The following GHR variants were observed in gnomAD, a reference collection of about 807,000 sequenced individuals.
GHR encodes growth hormone receptor, also known as GH receptor.
A neutral mutation model predicts 67.1 loss-of-function variants in GHR; 35 were observed. That is an observed-to-expected ratio of 0.52 (90% CI 0.40 to 0.69). The LOEUF is 0.69. Among genes scored for constraint, GHR ranks in the 30% least tolerant of loss-of-function variants. The pLI, the probability that GHR is intolerant of heterozygous loss-of-function variation, is 0.00. For synonymous variants in GHR, 272 were observed against 269.1 expected, an observed-to-expected ratio of 1.01 and a Z score of -0.10; for missense variants, 792 against 764.6, an observed-to-expected ratio of 1.04 and a Z score of -0.42.
chr5:42,627,208 T>C (rs35092809), intron 2 of GHR, among the ~76,000 whole-genome samples: 2,162 of 152,336 alleles, frequency 0.014, 18 homozygotes, highest in Middle Eastern at 0.027. Context: ...CTTTTTTTAC[T>C]GAACTTTTTT....
chr5:42,660,550 C>G (rs1755535376), intron 3 of GHR, among the ~76,000 whole-genome samples: 2 of 152,196 alleles, frequency 1.3e-5, no homozygotes, highest in African/African-American at 4.8e-5. Context: ...AGCTGAGGGT[C>G]CTGTCTGTTA....
chr5:42,699,430 G>A (rs1345659997), intron 5 of GHR, among the ~76,000 whole-genome samples: 1 of 152,222 alleles, frequency 6.6e-6, no homozygotes, highest in East Asian at 1.9e-4. Flanking sequence ...TAGTTCCGAA[G>A]CAGCCCCATG....
intron 3 of GHR, among the ~76,000 whole-genome samples, chr5:42,662,682 C>A (rs1755713415): frequency 6.6e-6 from 1 of 152,062 alleles, no homozygotes; most frequent in Non-Finnish European, 1.5e-5. Context: ...ACCCTAACAT[C>A]ACAATTAAAA....
chr5:42,632,836 T>G (rs1024760821), intron 3 of GHR, among the ~76,000 whole-genome samples: 2 of 152,214 alleles, frequency 1.3e-5, no homozygotes, highest in Non-Finnish European at 2.9e-5. Flanking sequence ...CTTTTTTATA[T>G]TTTAAAGAAG....
intron 1 of GHR, among the ~76,000 whole-genome samples, chr5:42,558,112 C>T (rs548707234): frequency 6.6e-5 from 10 of 152,130 alleles, no homozygotes; most frequent in African/African-American, 2.2e-4. Flanking sequence ...ACCAGTACAC[C>T]ACTGTCTATG....
At chr5:42,430,615 T>TGTGTGA (rs1201628357) in intron 1 of GHR, among the ~76,000 whole-genome samples, 2 of 150,310 alleles carry the variant, frequency 1.3e-5, no homozygotes, top group Non-Finnish European at 2.9e-5. Flanking sequence ...CCCGTGTGTG[T>TGTGTGA]GTGTGTGTGT....
At chr5:42,632,080 A>G (rs1175833458) in intron 3 of GHR, among the ~76,000 whole-genome samples, 2 of 151,968 alleles carry the variant, frequency 1.3e-5, no homozygotes, top group East Asian at 3.9e-4. Context: ...TAATTTTCTT[A>G]TGTTCTAAGT....
intron 1 of GHR, among the ~76,000 whole-genome samples, chr5:42,517,776 A>G (rs1211595422): frequency 6.6e-6 from 1 of 151,190 alleles, no homozygotes; most frequent in African/African-American, 2.4e-5. Context: ...GCTGTCACTC[A>G]TAGTGGACTT....
intron 1 of GHR, among the ~76,000 whole-genome samples, chr5:42,537,577 A>G (rs1254284994): frequency 2.0e-5 from 3 of 152,160 alleles, no homozygotes; most frequent in Admixed American, 1.3e-4. Flanking sequence ...ATGGCCTATC[A>G]TATGGTCTAT....
chr5:42,659,969 C>T (rs1306405132), intron 3 of GHR, among the ~76,000 whole-genome samples: 3 of 152,182 alleles, frequency 2.0e-5, no homozygotes, highest in African/African-American at 7.2e-5. Flanking sequence ...CCGCACCTGG[C>T]TCGGAGGGTC....
At chr5:42,463,836 AC>A (rs1744594333) in intron 1 of GHR, among the ~76,000 whole-genome samples, 1 of 150,996 alleles carries the variant, frequency 6.6e-6, no homozygotes, top group African/African-American at 2.4e-5. Context: ...TACTAAAAAT[AC>A]AAAAAATTAG....
At chr5:42,457,891 T>C (rs1257835680) in intron 1 of GHR, among the ~76,000 whole-genome samples, 4 of 152,200 alleles carry the variant, frequency 2.6e-5, no homozygotes, top group East Asian at 1.9e-4. Context: ...ACTAGCCACA[T>C]GAACCTACTA....
chr5:42,504,584 C>A (rs1481403533), intron 1 of GHR, among the ~76,000 whole-genome samples: 1 of 151,996 alleles, frequency 6.6e-6, no homozygotes, highest in African/African-American at 2.4e-5. Flanking sequence ...CATGATGAAA[C>A]CCCATCTCTA....
chr5:42,596,860 G>T (rs1580015404), intron 2 of GHR, among the ~76,000 whole-genome samples: 3 of 152,080 alleles, frequency 2.0e-5, no homozygotes, highest in Non-Finnish European at 2.9e-5. Context: ...TTCACTCTCA[G>T]CTCAGAAGCC....
chr5:42,441,382 A>C (rs1215047274), intron 1 of GHR, among the ~76,000 whole-genome samples: 2 of 152,194 alleles, frequency 1.3e-5, no homozygotes, highest in African/African-American at 4.8e-5. Flanking sequence ...CAGAAGCCAG[A>C]ATGAAGTGTC....
At chr5:42,642,290 C>T (rs148771248) in intron 3 of GHR, among the ~76,000 whole-genome samples, 100 of 152,266 alleles carry the variant, frequency 6.6e-4, no homozygotes, top group Non-Finnish European at 1.2e-3. Context: ...TGATTTCTTT[C>T]TGTCCTCTTT....
At chr5:42,519,687 A>T (rs182651824) in intron 1 of GHR, among the ~76,000 whole-genome samples, 1 of 152,334 alleles carries the variant, frequency 6.6e-6, no homozygotes, top group Non-Finnish European at 1.5e-5. Context: ...CCCCTTATCT[A>T]CATTTTAAAT....
At chr5:42,476,753 A>T (rs1745342402) in intron 1 of GHR, among the ~76,000 whole-genome samples, 1 of 152,200 alleles carries the variant, frequency 6.6e-6, no homozygotes, top group Non-Finnish European at 1.5e-5. Flanking sequence ...CAGGCAATTT[A>T]TATGGTGTTT....
At chr5:42,659,015 C>T (rs1382960588) in intron 3 of GHR, among the ~76,000 whole-genome samples, 1 of 152,082 alleles carries the variant, frequency 6.6e-6, no homozygotes, top group Non-Finnish European at 1.5e-5. Context: ...ATATATAAGG[C>T]TTTCTAAGTT....
Sources: gnomAD v4.1 joint callset for allele counts (sites outside exome capture counted in the v4.1 genomes callset) on GRCh38, gnomAD v4.1.1 for gene constraint, MANE v1.5 for transcripts, NCBI Gene and HGNC (gene_info 2026-07-23, HGNC 2026-07-21) for gene names.